Variants in ST6GALNAC1 observed in about 807,000 individuals in gnomAD.
ST6GALNAC1 encodes the protein alpha-N-acetylgalactosaminide alpha-2,6-sialyltransferase 1.
In ST6GALNAC1, 45 loss-of-function variants were observed where a neutral mutation model predicts 56.8. The ratio of observed to expected loss-of-function variants is 0.79; its 90% CI spans 0.62 to 1.02. ST6GALNAC1 has a LOEUF of 1.02. ST6GALNAC1 is among the 50% of genes least tolerant of loss of function. ST6GALNAC1 has a pLI of 0.00. For synonymous variants in ST6GALNAC1, 295 were observed against 297.8 expected (o/e 0.99, Z 0.10); for missense variants, 743 against 754.8 (o/e 0.98, Z 0.18).
rs1448621280 is a variant in ST6GALNAC1, at chr17:76,626,567, T to G, written c.1311+84A>C. ...GTACCAACCACAGACTCCATCCGGATGAAAGCCTCTCCTCTCCCTTCTCAC... is the reference window on the plus strand; with the variant it reads ...GTACCAACCACAGACTCCATCCGGAGGAAAGCCTCTCCTCTCCCTTCTCAC... On this transcript the variant is annotated intron_variant, in intron 5 of 8. Coordinates refer to ENST00000156626, the MANE Select transcript of ST6GALNAC1 (RefSeq NM_018414.5). The G allele has an allele frequency of 2.5e-6, 4 of 1,588,806 alleles. No homozygotes were observed. In the African/African-American group the frequency reaches 4.0e-5, roughly 16 times the overall value.
intron 1 of ST6GALNAC1, 76 bp from the exon 2 acceptor site, chr17:76,629,787 T>TG (rs374544918): frequency 0.082 from 89,556 of 1,092,544 alleles, 1,831 homozygotes; most frequent in Middle Eastern, 0.11. Flanking sequence ...TTTTTTGTTT[T>TG]TTTTTTTTTT....
chr17:76,640,046 G>T (rs576457914), intron 1 of ST6GALNAC1, among the ~76,000 whole-genome samples: 1 of 152,140 alleles, frequency 6.6e-6, no homozygotes, highest in South Asian at 2.1e-4. Context: ...GGTTTCTCTG[G>T]GGAAGGGTTC....
At chr17:76,637,597 C>T (rs1567961518) in intron 1 of ST6GALNAC1, 1 of 398,368 alleles carries the variant, frequency 2.5e-6, no homozygotes, top group Non-Finnish European at 4.4e-6. Context: ...AAAAGTCTCT[C>T]ACACATAAGC....
At chr17:76,640,360 C>T (rs1441313778) in intron 1 of ST6GALNAC1, among the ~76,000 whole-genome samples, 2 of 152,128 alleles carry the variant, frequency 1.3e-5, no homozygotes, top group African/African-American at 4.8e-5. Context: ...ATCTCTAGAC[C>T]AGAACCAGGC....
At chr17:76,622,327 TG>T (rs1304374445), downstream of ST6GALNAC1, among the ~76,000 whole-genome samples, 3 of 152,088 alleles carry the variant, frequency 2.0e-5, no homozygotes, top group African/African-American at 7.2e-5. Flanking sequence ...ATTTGTCTTT[TG>T]ACCTCCTGGT....
intron 1 of ST6GALNAC1, among the ~76,000 whole-genome samples, chr17:76,630,750 CT>C (rs764956961): frequency 0.011 from 1,573 of 142,068 alleles, 26 homozygotes; most frequent in African/African-American, 0.035. Flanking sequence ...ACGCCTGGCT[CT>C]TTTTTTTTTT....
chr17:76,629,514 T>C lies in ST6GALNAC1; in HGVS notation c.329A>G (p.Glu110Gly). Residue 110 changes from glutamate (E) to glycine (G), a missense_variant, in exon 2 of 9, where the codon GAG becomes GGG. Glu to Gly is a moderately conservative substitution (Grantham distance 98, BLOSUM62 -2). Coordinates refer to ENST00000156626, the MANE Select transcript of ST6GALNAC1 (RefSeq NM_018414.5). ...RGKEANQAPPEEQDKVPHTAQ... is the reference protein window; with the variant it reads ...RGKEANQAPPGEQDKVPHTAQ... ...TGTGTGGGGCACCTTGTCCTGCTCC[T>C]CCGGCGGTGCCTGGTTGGCCTCCTT... 1 of 1,614,072 alleles carries C rather than the reference T, an allele frequency of 6.2e-7. No homozygotes were observed. The highest frequency in any genetic ancestry group is 1.1e-5 in the South Asian group (1 of 91,052).
chr17:76,640,400 TC>T (rs1181922373), intron 1 of ST6GALNAC1, among the ~76,000 whole-genome samples: 2 of 152,134 alleles, frequency 1.3e-5, no homozygotes. Context: ...GCCCCTTAAC[TC>T]CAGGGCATGT....
the ST6GALNAC1 span, among the ~76,000 whole-genome samples, chr17:76,618,085 C>A: frequency 1.9e-4 from 29 of 152,244 alleles, no homozygotes; most frequent in East Asian, 3.7e-3. Context: ...ATTTTAGCAG[C>A]CAAGGTTTCC....
At position 76,630,558 on chromosome 17, in the gene ST6GALNAC1, C is replaced by T. The variant is rs546748844; in HGVS notation, c.132-847G>A. On this transcript the variant is annotated intron_variant, in intron 1 of 8. Coordinates refer to ENST00000156626, the MANE Select transcript of ST6GALNAC1 (RefSeq NM_018414.5). ...GCTGACAGTTCTTCCTCCTTACCTC[C>T]CAGGGATCCTTCCTCCTTGAAACCC... 5.9e-5 allele frequency among the ~76,000 whole-genome samples: 9 copies of T among 151,926 alleles called. No homozygotes were observed. In the South Asian group the frequency reaches 1.9e-3, roughly 32 times the overall value.
Position 76,643,631 on chromosome 17 carries a change from G to T in ST6GALNAC1, c.8C>A (p.Ser3Tyr). The change falls in exon 1 of 9, where the codon TCC becomes TAC. Residue 3 changes from serine to tyrosine, a missense_variant. Ser to Tyr is a moderately radical substitution (Grantham distance 144). Coordinates refer to ENST00000156626, the MANE Select transcript of ST6GALNAC1 (RefSeq NM_018414.5). MR[S>Y]CLWRCRHLSQ... The stretch of plus-strand genomic sequence containing the variant: ...CAGGTGCCTGCATCTCCACAGGCAG[G>T]ACCTCATGGTGGTGGGTCGGGTTCT... 1.2e-6 allele frequency: 2 copies of T among 1,613,986 alleles called. No homozygotes were observed. Among genetic ancestry groups the T allele is most frequent in the South Asian group, 2.2e-5 (2 of 91,066 alleles).
rs9747640 is a variant in ST6GALNAC1, at chr17:76,642,659, A to T, written c.131+849T>A. On this transcript the variant is annotated intron_variant, in intron 1 of 8. Transcript: ENST00000156626. Reference sequence around the variant, plus strand: ...TGAAATGAAATTATTGGCTGGGCGCAGTGGCTCACGCCTGTCATCCCAGCG... The same window carrying T: ...TGAAATGAAATTATTGGCTGGGCGCTGTGGCTCACGCCTGTCATCCCAGCG... Among the ~76,000 whole-genome samples, 917 of 152,260 alleles carry T rather than the reference A, an allele frequency of 6.0e-3. 8 individuals are homozygous for T. Among genetic ancestry groups the T allele is most frequent in the African/African-American group, 0.021 (883 of 41,542 alleles).
chr17:76,637,923 A>C (rs2075998980), intron 1 of ST6GALNAC1, among the ~76,000 whole-genome samples: 1 of 152,084 alleles, frequency 6.6e-6, no homozygotes, highest in African/African-American at 2.4e-5. Flanking sequence ...GCCAGTGCCC[A>C]GGTTCAAGCG....
chr17:76,626,162 T>G (rs764782480), intron 6 of ST6GALNAC1, 67 bp from the exon 7 acceptor site: 109 of 1,571,502 alleles, frequency 6.9e-5, no homozygotes, highest in Non-Finnish European at 7.6e-5. Flanking sequence ...CAAGTCAGGG[T>G]CATGAGCATG....
At chr17:76,630,314 G>A (rs1199581628) in intron 1 of ST6GALNAC1, among the ~76,000 whole-genome samples, 1 of 152,120 alleles carries the variant, frequency 6.6e-6, no homozygotes, top group Non-Finnish European at 1.5e-5. Flanking sequence ...AGAAAGGCAG[G>A]GCCGGCCAAG....
chr17:76,624,513 G>A (rs1206758286), downstream of ST6GALNAC1, among the ~76,000 whole-genome samples: 1 of 152,160 alleles, frequency 6.6e-6, no homozygotes, highest in Non-Finnish European at 1.5e-5. Flanking sequence ...GCCTCCCAAA[G>A]TGCTGGGATT....
chr17:76,643,710 C>A lies in ST6GALNAC1; in HGVS notation c.-72G>T. On this transcript the variant is annotated 5_prime_UTR_variant, in exon 1 of 9. Coordinates refer to ENST00000156626, the MANE Select transcript of ST6GALNAC1 (RefSeq NM_018414.5). ...TTGATGTAGGCAGCTGGGAGTCTCA[C>A]CGCTCAGGTTTCCTGGCCAGGAAGT... 6.6e-7 allele frequency: 1 copy of A among 1,519,246 alleles called. No homozygotes were observed. The highest frequency in any genetic ancestry group is 9.0e-7 in the Non-Finnish European group (1 of 1,107,760). The allele number at this position is 1,519,246 out of a possible 1,614,324, so 94.1% of individuals were successfully genotyped here.
intron 1 of ST6GALNAC1, 106 bp from the exon 2 acceptor site, chr17:76,629,817 C>T (rs1314259888): frequency 1.2e-6 from 1 of 852,690 alleles, no homozygotes; most frequent in Non-Finnish European, 1.8e-6. Flanking sequence ...CAGTCTTGCT[C>T]TGTCACCCAG....
rs1008447877 is a variant in ST6GALNAC1, at chr17:76,627,292, G to A, written c.1001-54C>T. On this transcript the variant is annotated intron_variant, in intron 3 of 8. Transcript: ENST00000156626. The surrounding 1 kb of genome is among the most constrained non-coding windows in gnomAD (Gnocchi z 4.4). ...AGAGCCCTGGGAGGGACAGGAGTCC[G>A]ACCCATCATTCCTCCCAGGTCTGGC... is the stretch of plus-strand genomic sequence containing the variant. 58 of 1,554,336 alleles carry A rather than the reference G, an allele frequency of 3.7e-5. No homozygotes were observed. Among genetic ancestry groups the A allele is most frequent in the Admixed American group, 5.6e-5 (3 of 53,340 alleles).
Sources: allele counts gnomAD v4.1 joint callset (sites outside exome capture counted in the v4.1 genomes callset), GRCh38; gene constraint gnomAD v4.1.1; non-coding constraint Gnocchi (gnomAD v3.1); transcripts MANE v1.5; gene names NCBI Gene and HGNC (gene_info 2026-07-23, HGNC 2026-07-21).